LAMA1: variants seen among roughly 807,000 people sequenced by gnomAD.
The protein encoded by LAMA1 is laminin subunit alpha 1, also known as laminin subunit alpha-1.
In LAMA1, 219 loss-of-function variants were observed where a neutral mutation model predicts 348.7. The ratio of observed to expected loss-of-function variants is 0.63; its 90% confidence interval spans 0.56 to 0.70. The LOEUF (loss-of-function observed/expected upper bound fraction) is 0.70, where lower values mean the gene tolerates loss of function less well. Among genes scored for constraint, LAMA1 ranks in the 30% least tolerant of loss-of-function variants. The pLI, the probability that LAMA1 is intolerant of heterozygous loss-of-function variation, is 0.00. For missense variants in LAMA1, 3,744 were observed against 3,888.0 expected (o/e 0.96, Z 0.99); for synonymous variants, 1,487 against 1,491.0 (o/e 1.00, Z 0.06).
intron 1 of LAMA1, among the ~76,000 whole-genome samples, chr18:7,098,872 C>T (rs1437033078): frequency 4.3e-5 from 6 of 138,934 alleles, no homozygotes; most frequent in African/African-American, 8.2e-5. Context: ...CCCGGCCAGC[C>T]GCCCCGTCCG....
chr18:7,060,302 C>A (rs1264535242), intron 3 of LAMA1, among the ~76,000 whole-genome samples: 1 of 152,122 alleles, frequency 6.6e-6, no homozygotes, highest in African/African-American at 2.4e-5. Flanking sequence ...GCTTCATAAA[C>A]GAGAAGAACA....
At chr18:7,008,739 G>T in intron 27 of LAMA1, 131 bp from the exon 28 acceptor site, 1 of 997,902 alleles carries the variant, frequency 1.0e-6, no homozygotes, top group Non-Finnish European at 1.6e-6. Context: ...GTTCCTGCTT[G>T]TGATTGTAAG....
At chr18:7,098,756 A>G (rs367844713) in intron 1 of LAMA1, among the ~76,000 whole-genome samples, 1,319 of 79,286 alleles carry the variant, frequency 0.017, 6 homozygotes, top group African/African-American at 0.04. Context: ...CACCCCGTCC[A>G]GGAGGTGAGG....
At chr18:7,046,230 C>T (rs753324943) in intron 6 of LAMA1, 48 bp downstream of exon 6, 5 of 1,198,604 alleles carry the variant, frequency 4.2e-6, no homozygotes, top group Admixed American at 1.7e-5. Flanking sequence ...ATTATAGCTA[C>T]AATTTCTGTT....
intron 1 of LAMA1, among the ~76,000 whole-genome samples, chr18:7,086,203 A>T (rs189862363): frequency 6.6e-6 from 1 of 152,344 alleles, no homozygotes; most frequent in Admixed American, 6.5e-5. Context: ...TCTCACAACC[A>T]AGAAGGAAAG....
intron 42 of LAMA1, 50 bp downstream of exon 42, chr18:6,980,471 C>T (rs753564219): frequency 7.7e-6 from 9 of 1,161,306 alleles, no homozygotes; most frequent in Non-Finnish European, 1.2e-5. Flanking sequence ...CTGAGTGATG[C>T]TTTTACAATG....
chr18:7,111,680 A>G (rs1323641679), intron 1 of LAMA1, among the ~76,000 whole-genome samples: 1 of 152,252 alleles, frequency 6.6e-6, no homozygotes, highest in Non-Finnish European at 1.5e-5. Flanking sequence ...GCCTTGGTTT[A>G]TTCAATTGTC....
intron 57 of LAMA1, chr18:6,954,953 T>C: frequency 3.1e-6 from 1 of 327,572 alleles, no homozygotes; most frequent in South Asian, 2.6e-5. Flanking sequence ...GGGGTGGGTG[T>C]GGCACTCGGG....
At chr18:7,044,876 G>T (rs373124517) in intron 6 of LAMA1, 37 bp from the exon 7 acceptor site, 2 of 1,413,330 alleles carry the variant, frequency 1.4e-6, no homozygotes, top group Non-Finnish European at 2.0e-6. Context: ...ATTAGAAAAT[G>T]TATCTGCTTA....
At position 7,049,283 on chromosome 18, in the gene LAMA1, T is replaced by C. The variant is rs11873300; in HGVS notation, c.589-26A>G. On this transcript the variant is annotated intron_variant, in intron 4 of 62. Transcript: ENST00000389658. ...CTGAAGATGAAGGCATCAAAATAGA[T>C]GAATGTCAATTGTTTATTTATTTAT... 79,312 of 1,582,716 alleles carry C rather than the reference T, an allele frequency of 0.05. 18,483 individuals carry two copies. In the African/African-American group the frequency reaches 0.67, roughly 13 times the overall value.
chr18:7,089,237 C>T (rs1452714200), intron 1 of LAMA1, among the ~76,000 whole-genome samples: 3 of 152,040 alleles, frequency 2.0e-5, no homozygotes, highest in African/African-American at 7.2e-5. Flanking sequence ...AAAAATTAGC[C>T]AGACGTGGTG....
chr18:7,064,430 G>A (rs186950694), intron 3 of LAMA1, among the ~76,000 whole-genome samples: 26 of 152,254 alleles, frequency 1.7e-4, no homozygotes, highest in African/African-American at 6.3e-4. Flanking sequence ...CAAGCAAACA[G>A]CTCCGAGGGG....
chr18:6,949,904 G>A (rs1279825994), intron 58 of LAMA1, among the ~76,000 whole-genome samples: 2 of 152,206 alleles, frequency 1.3e-5, no homozygotes, highest in East Asian at 3.8e-4. Context: ...CTGCTAAGAT[G>A]TAGGCATAAA....
intron 39 of LAMA1, among the ~76,000 whole-genome samples, chr18:6,984,632 A>G (rs920436694): frequency 6.6e-6 from 1 of 152,222 alleles, no homozygotes; most frequent in Non-Finnish European, 1.5e-5. Flanking sequence ...CGGATGGCTA[A>G]AATTGTGCTT....
intron 42 of LAMA1, among the ~76,000 whole-genome samples, chr18:6,979,598 T>G (rs753397652): frequency 3.3e-5 from 5 of 152,168 alleles, no homozygotes; most frequent in Non-Finnish European, 5.9e-5. Context: ...CATAAAAAAA[T>G]TATCCTATTT....
intron 8 of LAMA1, 80 bp downstream of exon 8, chr18:7,043,147 C>T: frequency 1.5e-6 from 2 of 1,373,428 alleles, no homozygotes; most frequent in Non-Finnish European, 2.1e-6. Flanking sequence ...GTCTCCAATA[C>T]AGAGGTTAAG....
chr18:7,044,281 A>G (rs17443438), intron 7 of LAMA1, among the ~76,000 whole-genome samples: 1,826 of 152,218 alleles, frequency 0.012, 21 homozygotes, highest in Admixed American at 0.043. Context: ...ATGCATAACA[A>G]TTTTAGGAAG....
At position 6,983,121 on chromosome 18, in the gene LAMA1, C is replaced by T. The variant is rs2057719442; in HGVS notation, c.5774G>A (p.Arg1925Lys). 6.2e-7 allele frequency: 1 copy of T among 1,614,024 alleles called. No individual in the cohort carries two copies. The highest frequency in any genetic ancestry group is 1.3e-5 in the African/African-American group (1 of 74,900). ...ESEELARDAH[R>K]TVTETSLLSE... The stretch of plus-strand genomic sequence containing the variant: ...TACCAGGCTCGTCTCAGTCACAGTC[C>T]TGTGAGCATCTCTGGCCAGTTCCTC... Residue 1925 changes from arginine (R) to lysine (K), a missense_variant, in exon 40 of 63, where the codon AGG becomes AAG. Arg to Lys is a conservative substitution (Grantham distance 26). This residue lies in a region of LAMA1 where 1,983 missense variants were observed against 1,934.3 expected (regional missense o/e 1.03). Coordinates refer to ENST00000389658, the MANE Select transcript of LAMA1 (RefSeq NM_005559.4).
At position 6,973,127 on chromosome 18, in the gene LAMA1, C is replaced by T. The variant is rs1228965245; in HGVS notation, c.6704G>A (p.Gly2235Glu). The part of the protein sequence containing the change: ...KSPTKTSKSP[G>E]TANVLDVNNS... ...GTTTACATCCAGAACATTAGCTGTCCCAGGGGATTTACTTGTTTTTGTTGG... is the reference window on the plus strand; with the variant it reads ...GTTTACATCCAGAACATTAGCTGTCTCAGGGGATTTACTTGTTTTTGTTGG... Residue 2235 changes from glycine (G) to glutamate (E), a missense_variant, in exon 47 of 63, where the codon GGG (glycine) becomes GAG (glutamate). Gly to Glu is a moderately conservative substitution (Grantham distance 98). This residue lies in a region of LAMA1 where 1,983 missense variants were observed against 1,934.3 expected (regional missense o/e 1.03). Coordinates refer to ENST00000389658, the MANE Select transcript of LAMA1 (RefSeq NM_005559.4). The T allele has an allele frequency of 6.2e-7, 1 of 1,613,996 alleles. No individual in the cohort carries two copies. Among genetic ancestry groups the T allele is most frequent in the East Asian group, 2.2e-5 (1 of 44,884 alleles).
Sources: allele counts gnomAD v4.1 joint callset (sites outside exome capture counted in the v4.1 genomes callset), GRCh38; gene constraint gnomAD v4.1.1; regional missense constraint gnomAD v4.1.1; transcripts MANE v1.5; gene names NCBI Gene and HGNC (gene_info 2026-07-23, HGNC 2026-07-21).